The following NAALADL2 variants were observed in gnomAD, a reference collection of about 807,000 sequenced individuals.
NAALADL2 encodes the protein inactive N-acetylated-alpha-linked acidic dipeptidase-like protein 2.
NAALADL2 carries 76 observed loss-of-function variants against 87.2 expected under a neutral mutation model. The observed-to-expected ratio is 0.87, with a 90% CI of 0.72 to 1.05. The LOEUF (loss-of-function observed/expected upper bound fraction) is 1.05, where lower values mean the gene tolerates loss of function less well. Among genes scored for constraint, NAALADL2 ranks in the 50% least tolerant of loss-of-function variants. The pLI, the probability that NAALADL2 is intolerant of heterozygous loss-of-function variation, is 0.00. For missense variants in NAALADL2, 1,089 were observed against 945.8 expected, an observed-to-expected ratio of 1.15 and a Z score of -1.99; for synonymous variants, 354 against 331.0, an observed-to-expected ratio of 1.07 and a Z score of -0.75.
At chr3:175,573,415 G>A (rs572694546) in intron 9 of NAALADL2, among the ~76,000 whole-genome samples, 1 of 152,190 alleles carries the variant, frequency 6.6e-6, no homozygotes, top group African/African-American at 2.4e-5. Context: ...ACATAAAATG[G>A]TGCAACAATC....
chr3:175,090,614 C>G (rs1037398595), intron 1 of NAALADL2, among the ~76,000 whole-genome samples: 1 of 150,192 alleles, frequency 6.7e-6, no homozygotes, highest in African/African-American at 2.5e-5. Flanking sequence ...CAATCTATAG[C>G]TCATTAATTT....
chr3:175,267,644 G>C (rs1349742123), intron 4 of NAALADL2, among the ~76,000 whole-genome samples: 2 of 152,098 alleles, frequency 1.3e-5, no homozygotes, highest in African/African-American at 2.4e-5. Flanking sequence ...GGTGATGGGA[G>C]TGGGGGCAAA....
At chr3:175,251,488 T>TA (rs1252865512) in intron 3 of NAALADL2, among the ~76,000 whole-genome samples, 1 of 152,246 alleles carries the variant, frequency 6.6e-6, no homozygotes, top group South Asian at 2.1e-4. Flanking sequence ...ATAGCTTAAG[T>TA]AACTAGATTT....
intron 2 of NAALADL2, among the ~76,000 whole-genome samples, chr3:175,214,307 CAAAGCTGA>C (rs1392768096): frequency 6.6e-6 from 1 of 152,130 alleles, no homozygotes. Context: ...CCTTTTACAA[CAAAGCTGA>C]AAATTCTGCT....
chr3:175,738,638 T>C (rs944513643), intron 12 of NAALADL2, among the ~76,000 whole-genome samples: 6 of 152,176 alleles, frequency 3.9e-5, no homozygotes, highest in African/African-American at 1.4e-4. Flanking sequence ...GATTTTATTA[T>C]AGTGACTGTA....
chr3:175,140,604 T>C (rs557439008), intron 2 of NAALADL2, among the ~76,000 whole-genome samples: 1 of 151,902 alleles, frequency 6.6e-6, no homozygotes, highest in East Asian at 1.9e-4. Flanking sequence ...ATACATACCA[T>C]GGGGGGAGGT....
chr3:175,247,819 G>C (rs1032091071), intron 3 of NAALADL2, among the ~76,000 whole-genome samples: 1 of 152,198 alleles, frequency 6.6e-6, no homozygotes, highest in Non-Finnish European at 1.5e-5. Context: ...TCATAGAGCA[G>C]TATGAAGAGA....
intron 2 of NAALADL2, among the ~76,000 whole-genome samples, chr3:175,214,012 G>C (rs60979553): frequency 0.076 from 11,561 of 152,042 alleles, 1,194 homozygotes; most frequent in African/African-American, 0.23. Context: ...GAAAATTTTT[G>C]TGAAAAATTT....
chr3:174,554,193 C>G (rs1712471084), intron 2 of NAALADL2, among the ~76,000 whole-genome samples: 1 of 151,972 alleles, frequency 6.6e-6, no homozygotes, highest in South Asian at 2.1e-4. Context: ...TTCCACCACC[C>G]ATTATGTGTA....
At chr3:175,127,987 A>G (rs1037824667) in intron 2 of NAALADL2, among the ~76,000 whole-genome samples, 10 of 152,270 alleles carry the variant, frequency 6.6e-5, no homozygotes, top group African/African-American at 2.2e-4. Context: ...TACTTTTATG[A>G]GTTTTCCTTT....
At chr3:175,222,013 C>G (rs1407611212) in intron 2 of NAALADL2, among the ~76,000 whole-genome samples, 1 of 151,962 alleles carries the variant, frequency 6.6e-6, no homozygotes, top group African/African-American at 2.4e-5. Context: ...AACTCCCGAG[C>G]TCAGGGAATC....
intron 5 of NAALADL2, among the ~76,000 whole-genome samples, chr3:175,360,850 A>G (rs1174890749): frequency 2.3e-5 from 3 of 130,224 alleles, no homozygotes; most frequent in South Asian, 4.9e-4. Flanking sequence ...GTGTGTGTGT[A>G]TCTCACAATT....
chr3:175,431,549 T>C (rs757998295), intron 5 of NAALADL2, among the ~76,000 whole-genome samples: 4 of 152,004 alleles, frequency 2.6e-5, no homozygotes, highest in African/African-American at 4.8e-5. Flanking sequence ...TCTCACTTTA[T>C]GGCCTGGGAA....
intron 2 of NAALADL2, among the ~76,000 whole-genome samples, chr3:174,571,599 G>C (rs970543554): frequency 1.3e-5 from 2 of 151,882 alleles, no homozygotes; most frequent in Non-Finnish European, 2.9e-5. Flanking sequence ...GGCTGGTCTC[G>C]AGCTCCCGAC....
At chr3:175,268,313 G>A (rs550981259) in intron 4 of NAALADL2, among the ~76,000 whole-genome samples, 234 of 152,192 alleles carry the variant, frequency 1.5e-3, no homozygotes, top group African/African-American at 5.3e-3. Flanking sequence ...CATAGAAAAA[G>A]TACAGTAAAA....
At chr3:174,657,983 A>G (rs1400768816) in intron 2 of NAALADL2, among the ~76,000 whole-genome samples, 1 of 152,174 alleles carries the variant, frequency 6.6e-6, no homozygotes, top group Non-Finnish European at 1.5e-5. Flanking sequence ...TAATTCATGA[A>G]TAATACCCCA....
intron 4 of NAALADL2, among the ~76,000 whole-genome samples, chr3:175,274,435 T>C (rs1157562004): frequency 6.6e-6 from 1 of 152,262 alleles, no homozygotes; most frequent in East Asian, 1.9e-4. Context: ...GTCTTTTACA[T>C]TTCAAACTTT....
chr3:175,219,751 C>T (rs1165155287), intron 2 of NAALADL2, among the ~76,000 whole-genome samples: 1 of 151,566 alleles, frequency 6.6e-6, no homozygotes, highest in African/African-American at 2.4e-5. Flanking sequence ...CAAGTCAAAT[C>T]TGGGGAACAA....
At chr3:175,411,600 C>T (rs1485439678) in intron 5 of NAALADL2, among the ~76,000 whole-genome samples, 1 of 152,000 alleles carries the variant, frequency 6.6e-6, no homozygotes, top group Non-Finnish European at 1.5e-5. Context: ...AGGAGAAATG[C>T]TTGTAATCAT....
Sources: allele counts gnomAD v4.1 joint callset (sites outside exome capture counted in the v4.1 genomes callset), GRCh38; gene constraint gnomAD v4.1.1; transcripts MANE v1.5; gene names NCBI Gene and HGNC (gene_info 2026-07-23, HGNC 2026-07-21).